Variants in SLC7A1 observed in about 807,000 individuals in gnomAD.
SLC7A1 encodes the protein high affinity cationic amino acid transporter 1.
In SLC7A1, 10 loss-of-function variants were observed where a neutral mutation model predicts 53.9. The ratio of observed to expected loss-of-function variants is 0.19; its 90% CI spans 0.11 to 0.31. The LOEUF (loss-of-function observed/expected upper bound fraction) is 0.31. Among genes scored for constraint, SLC7A1 ranks in the 10% least tolerant of loss-of-function variants. The pLI is 1.00. For synonymous variants in SLC7A1, 342 were observed against 338.7 expected (o/e 1.01, Z -0.11); for missense variants, 525 against 827.2 (o/e 0.63, Z 4.48).
At chr13:29,589,066 G>A (rs972399019) in intron 1 of SLC7A1, among the ~76,000 whole-genome samples, 2 of 152,162 alleles carry the variant, frequency 1.3e-5, no homozygotes, top group Non-Finnish European at 2.9e-5. Flanking sequence ...AGTCACTTTG[G>A]GGAAGACGGG....
intron 1 of SLC7A1, among the ~76,000 whole-genome samples, chr13:29,555,125 G>A (rs374255551): frequency 3.3e-5 from 5 of 151,562 alleles, no homozygotes; most frequent in Non-Finnish European, 7.4e-5. Flanking sequence ...TTGGGAGGCC[G>A]AGGCGGGCGG....
chr13:29,533,709 A>C (rs1351723948), intron 3 of SLC7A1, among the ~76,000 whole-genome samples: 2 of 152,100 alleles, frequency 1.3e-5, no homozygotes, highest in South Asian at 2.1e-4. Flanking sequence ...AAGAACACCA[A>C]CAGGGCAGCA....
At chr13:29,562,913 C>T (rs11618529) in intron 1 of SLC7A1, among the ~76,000 whole-genome samples, 1,993 of 152,250 alleles carry the variant, frequency 0.013, 24 homozygotes, top group Non-Finnish European at 0.018. Flanking sequence ...CATTTTGCAC[C>T]CAGGAAAAGA....
In SLC7A1 at chr13:29,536,177, T is replaced by C; in HGVS notation, c.12A>G (p.Lys4=). The C allele has an allele frequency of 1.2e-6, 2 of 1,613,010 alleles. No individual in the cohort carries two copies. Among genetic ancestry groups the C allele is most frequent in the African/African-American group, 2.7e-5 (2 of 75,038 alleles). MGC[K]VLLNIGQQML... ...TCTGCTGCCCAATGTTGAGCAGGAC[T>C]TTGCACCCCATGTTGCTGTTCAGAG... The change falls in exon 3 of 13, where the codon AAA becomes AAG. Residue 4 remains lysine (K), a synonymous_variant. Transcript: ENST00000380752.
intron 2 of SLC7A1, among the ~76,000 whole-genome samples, chr13:29,552,909 G>C (rs116516250): frequency 1.3e-4 from 19 of 151,994 alleles, no homozygotes; most frequent in Admixed American, 2.6e-4. Context: ...AGCTGGTCTC[G>C]GCACCCAAAC....
At chr13:29,564,025 G>A (rs949253402) in intron 1 of SLC7A1, among the ~76,000 whole-genome samples, 2 of 152,140 alleles carry the variant, frequency 1.3e-5, no homozygotes, top group African/African-American at 4.8e-5. Context: ...ACACAGTCAC[G>A]GAATGCCAGA....
At chr13:29,517,004 G>T (rs1041253319) in intron 11 of SLC7A1, 140 bp downstream of exon 11, 1 of 703,812 alleles carries the variant, frequency 1.4e-6, no homozygotes, top group Non-Finnish European at 2.3e-6. Flanking sequence ...CAGGACCCCT[G>T]CCCCATCTTA....
At chr13:29,587,626 C>A (rs1356567942) in intron 1 of SLC7A1, among the ~76,000 whole-genome samples, 1 of 152,178 alleles carries the variant, frequency 6.6e-6, no homozygotes. Context: ...GGGGTATAGA[C>A]CAGACAAGAG....
intron 2 of SLC7A1, among the ~76,000 whole-genome samples, chr13:29,542,860 G>A (rs951442422): frequency 1.4e-4 from 21 of 152,058 alleles, no homozygotes; most frequent in East Asian, 7.7e-4. Flanking sequence ...AAGAAACAAC[G>A]GCACAGTGCA....
chr13:29,540,185 T>C (rs1869603627), intron 2 of SLC7A1, among the ~76,000 whole-genome samples: 1 of 152,198 alleles, frequency 6.6e-6, no homozygotes, highest in Admixed American at 6.5e-5. Context: ...TTCCTGCTGT[T>C]GGGGTTTACA....
At chr13:29,575,129 C>T (rs1296444694) in intron 1 of SLC7A1, among the ~76,000 whole-genome samples, 1 of 152,232 alleles carries the variant, frequency 6.6e-6, no homozygotes, top group African/African-American at 2.4e-5. Flanking sequence ...ACCTCCTAAA[C>T]TCAAGCTAAT....
chr13:29,544,054 G>A (rs188102506), intron 2 of SLC7A1, among the ~76,000 whole-genome samples: 3 of 152,208 alleles, frequency 2.0e-5, no homozygotes, highest in South Asian at 2.1e-4. Flanking sequence ...ACATGGGAGC[G>A]CCGGGATCCC....
rs1883552559 is a variant in SLC7A1, at chr13:29,516,290, G to A, written c.1678-44C>T. ...GCTTCAATCCATGGCAGTGGCGCCG[G>A]TTCCAATAGTTCAGTAAAACTGTCT... On this transcript the variant is annotated intron_variant, in intron 11 of 12. Coordinates refer to ENST00000380752, the MANE Select transcript of SLC7A1 (RefSeq NM_003045.5). 3 of 1,224,520 alleles carry A rather than the reference G, an allele frequency of 2.4e-6. No individual in the cohort carries two copies. The South Asian group carries it at 3.8e-5, about 15-fold the overall frequency. 75.9% of individuals were successfully genotyped at this position (1,224,520 alleles called of 1,614,324 possible).
In SLC7A1 at chr13:29,512,947, T is replaced by C. The variant is rs1883436010; in HGVS notation, c.*1533A>G. ...TGTCAAAGGCCAGACTAGGAAGAAA[T>C]GGAAAGGAAACTAAGTTTTGAAAGC... is the stretch of plus-strand genomic sequence containing the variant. On this transcript the variant is annotated 3_prime_UTR_variant, in exon 13 of 13. Coordinates refer to ENST00000380752, the MANE Select transcript of SLC7A1 (RefSeq NM_003045.5). 1 of 152,250 alleles carries C rather than the reference T, an allele frequency of 6.6e-6. No homozygotes were observed. Among genetic ancestry groups the C allele is most frequent in the Non-Finnish European group, 1.5e-5 (1 of 68,064 alleles). The allele number at this position is 152,250 out of a possible 1,614,324, so 9.4% of individuals were successfully genotyped here. A position where few individuals can be genotyped will look rare whatever the true frequency, so the allele number is the denominator to read the frequency against.
chr13:29,533,224 G>A (rs529770032), intron 3 of SLC7A1, among the ~76,000 whole-genome samples: 1 of 152,084 alleles, frequency 6.6e-6, no homozygotes. Flanking sequence ...ATACACAGGT[G>A]TATTCTATCA....
rs921926320 is a variant in SLC7A1 at position 29,513,079 on chromosome 13, C to T, written c.*1401G>A. 2.0e-5 allele frequency: 3 copies of T among 152,254 alleles called. No homozygotes were observed. Among genetic ancestry groups the T allele is most frequent in the Non-Finnish European group, 4.4e-5 (3 of 68,082 alleles). The allele number at this position is 152,254 out of a possible 1,614,324, so 9.4% of individuals were successfully genotyped here. On this transcript the variant is annotated 3_prime_UTR_variant, in exon 13 of 13. Coordinates refer to ENST00000380752, the MANE Select transcript of SLC7A1 (RefSeq NM_003045.5). ...TAGACTCAGTGGAACGCTCCACCCA[C>T]GTTCAGGTTTCCTCTGGCTCCCATC...
intron 1 of SLC7A1, among the ~76,000 whole-genome samples, chr13:29,592,665 A>G (rs936554032): frequency 6.6e-6 from 1 of 152,170 alleles, no homozygotes; most frequent in East Asian, 1.9e-4. Flanking sequence ...ATTATGGCAA[A>G]ACAGAAAGGG....
At chr13:29,555,862 A>G (rs1378247763) in intron 1 of SLC7A1, among the ~76,000 whole-genome samples, 11 of 152,212 alleles carry the variant, frequency 7.2e-5, no homozygotes, top group Admixed American at 7.2e-4. Flanking sequence ...TTTTAAAAAT[A>G]TATGATGAAA....
intron 5 of SLC7A1, among the ~76,000 whole-genome samples, chr13:29,529,226 A>G (rs1384469363): frequency 1.3e-5 from 2 of 152,230 alleles, no homozygotes; most frequent in African/African-American, 4.8e-5. Flanking sequence ...TATTAGTGTT[A>G]GTGAAGTTTC....
Sources: gnomAD v4.1 joint callset for allele counts (sites outside exome capture counted in the v4.1 genomes callset) on GRCh38, gnomAD v4.1.1 for gene constraint, MANE v1.5 for transcripts, NCBI Gene and HGNC (gene_info 2026-07-23, HGNC 2026-07-21) for gene names.